UGT1A8: variants seen among roughly 807,000 people sequenced by gnomAD.
The protein encoded by UGT1A8 is UDP glucuronosyltransferase family 1 member A8.
Under a neutral mutation model 45.3 loss-of-function variants are expected in UGT1A8, and 39 were observed. That is an observed-to-expected ratio of 0.86 (90% CI 0.67 to 1.12). UGT1A8 has a LOEUF of 1.12. UGT1A8 is among the 50% of genes most tolerant of loss of function. The pLI is 0.00. For synonymous variants in UGT1A8, 275 were observed against 249.2 expected (o/e 1.10, Z -0.97); for missense variants, 719 against 664.9 (o/e 1.08, Z -0.90).
chr2:233,744,104 G>T (rs1183907106), intron 1 of UGT1A8: 22 of 400,806 alleles, frequency 5.5e-5, no homozygotes, highest in Non-Finnish European at 4.5e-6. Context: ...TCTGGGACTG[G>T]CCCTGCTCTC....
At chr2:233,657,747 T>G (rs1403174452) in intron 1 of UGT1A8, among the ~76,000 whole-genome samples, 1 of 152,210 alleles carries the variant, frequency 6.6e-6, no homozygotes, top group Non-Finnish European at 1.5e-5. Flanking sequence ...ATTTTCCTAT[T>G]TAAATATGAT....
chr2:233,684,819 T>G (rs1344738049), intron 1 of UGT1A8, among the ~76,000 whole-genome samples: 1 of 152,164 alleles, frequency 6.6e-6, no homozygotes. Flanking sequence ...CAAAAGTAAA[T>G]TGTCATAGAA....
intron 1 of UGT1A8, among the ~76,000 whole-genome samples, chr2:233,638,242 A>G (rs1056394707): frequency 6.6e-6 from 1 of 152,118 alleles, no homozygotes; most frequent in Non-Finnish European, 1.5e-5. Context: ...TAAGCATTTT[A>G]TGTTTGTTTT....
intron 1 of UGT1A8, chr2:233,672,342 C>T (rs1378723729): frequency 1.2e-6 from 2 of 1,614,048 alleles, no homozygotes; most frequent in Admixed American, 1.7e-5. Flanking sequence ...TAGTAGAATA[C>T]TTAAAGGAGA....
chr2:233,712,743 GT>G lies in UGT1A8; in HGVS notation c.856-54289del, dbSNP rs202230565. 8.9e-3 allele frequency among the ~76,000 whole-genome samples: 1,329 copies of G among 149,812 alleles called. 32 individuals are homozygous for G. The highest frequency in any genetic ancestry group is 0.03 in the African/African-American group (1,238 of 40,826). The stretch of plus-strand genomic sequence containing the variant: ...GAGAAACAAGAGCTTGAACTTGGAT[GT>G]TCCCCAGAGCGAGCGCAAGGTCAGA... On this transcript the variant is annotated intron_variant, in intron 1 of 4. Transcript: ENST00000373450.
At chr2:233,757,844 A>G (rs1442911565) in intron 1 of UGT1A8, among the ~76,000 whole-genome samples, 1 of 151,968 alleles carries the variant, frequency 6.6e-6, no homozygotes. Context: ...CTACTAACTT[A>G]TGTCTTCAGC....
In UGT1A8 at chr2:233,739,453, T is replaced by C. The variant is rs547322370; in HGVS notation, c.856-27581T>C. On this transcript the variant is annotated intron_variant, in intron 1 of 4. Transcript: ENST00000373450. ...GGCTTTACCCTGCAAAGCCACAGGG[T>C]TGGAGCTGCCTGAGACCGTGGGAGC... 3.9e-5 allele frequency among the ~76,000 whole-genome samples: 6 copies of C among 152,290 alleles called. No homozygotes were observed. The East Asian group carries it at 5.8e-4, about 15-fold the overall frequency.
At chr2:233,665,641 A>G (rs1254670988) in intron 1 of UGT1A8, among the ~76,000 whole-genome samples, 1 of 152,368 alleles carries the variant, frequency 6.6e-6, no homozygotes, top group East Asian at 1.9e-4. Context: ...CTGAGGTCTA[A>G]GGGCAGGCCC....
chr2:233,656,218 A>G (rs2073849649), intron 1 of UGT1A8, among the ~76,000 whole-genome samples: 1 of 152,230 alleles, frequency 6.6e-6, no homozygotes, highest in South Asian at 2.1e-4. Flanking sequence ...GGGTGGAGAC[A>G]TCATATTTAA....
At chr2:233,730,104 T>G in intron 1 of UGT1A8, 1 of 1,577,736 alleles carries the variant, frequency 6.3e-7, no homozygotes, top group Non-Finnish European at 8.6e-7. Flanking sequence ...ATATTTCATT[T>G]CTGCTTCTCC....
intron 1 of UGT1A8, among the ~76,000 whole-genome samples, chr2:233,620,635 T>C (rs2072985532): frequency 6.6e-6 from 1 of 152,200 alleles, no homozygotes; most frequent in African/African-American, 2.4e-5. Context: ...TATGAAAGTT[T>C]TTATACTTGC....
intron 1 of UGT1A8, among the ~76,000 whole-genome samples, chr2:233,644,473 T>C (rs566903853): frequency 6.6e-6 from 1 of 152,106 alleles, no homozygotes; most frequent in East Asian, 1.9e-4. Context: ...GAAGCAGAGA[T>C]TCGCTTGAAC....
At chr2:233,756,024 C>T (rs151069909) in intron 1 of UGT1A8, 1 of 152,170 alleles carries the variant, frequency 6.6e-6, no homozygotes, top group African/African-American at 2.4e-5. Flanking sequence ...ATTACACATC[C>T]CCCATGTAGC....
chr2:233,762,105 C>T (rs879435361), intron 1 of UGT1A8, among the ~76,000 whole-genome samples: 8 of 151,972 alleles, frequency 5.3e-5, no homozygotes, highest in Non-Finnish European at 1.0e-4. Flanking sequence ...GTTGATTGTC[C>T]GCTTCACATC....
At chr2:233,660,096 C>T (rs1180143561) in intron 1 of UGT1A8, among the ~76,000 whole-genome samples, 2 of 152,196 alleles carry the variant, frequency 1.3e-5, no homozygotes, top group Admixed American at 1.3e-4. Flanking sequence ...GTTTTAAGTC[C>T]TGTGAAGTCA....
chr2:233,707,616 T>C (rs557217534), intron 1 of UGT1A8, among the ~76,000 whole-genome samples: 2 of 152,218 alleles, frequency 1.3e-5, no homozygotes, highest in East Asian at 3.9e-4. Context: ...TTGTGGATTG[T>C]CAGTACTGAA....
intron 1 of UGT1A8, among the ~76,000 whole-genome samples, chr2:233,623,562 T>TA (rs1228905028): frequency 6.6e-6 from 1 of 152,194 alleles, no homozygotes; most frequent in South Asian, 2.1e-4. Context: ...TAATTAAATA[T>TA]AAAAAATAAG....
intron 1 of UGT1A8, among the ~76,000 whole-genome samples, chr2:233,680,686 T>A (rs1375454354): frequency 6.6e-6 from 1 of 151,856 alleles, no homozygotes; most frequent in East Asian, 1.9e-4. Flanking sequence ...GGAAGGAGGA[T>A]GAAAACAGGT....
intron 1 of UGT1A8, among the ~76,000 whole-genome samples, chr2:233,745,315 A>G (rs1693069084): frequency 2.0e-5 from 3 of 151,844 alleles, no homozygotes; most frequent in African/African-American, 4.9e-5. Flanking sequence ...GATTATTTCC[A>G]CTAGAACTGC....
Sources: allele counts gnomAD v4.1 joint callset (sites outside exome capture counted in the v4.1 genomes callset), GRCh38; gene constraint gnomAD v4.1.1; transcripts MANE v1.5; gene names NCBI Gene and HGNC (gene_info 2026-07-23, HGNC 2026-07-21).